Variants in MAP4K3 observed in about 807,000 individuals in gnomAD.
MAP4K3 encodes mitogen-activated protein kinase kinase kinase kinase 3.
In MAP4K3, 94 loss-of-function variants were observed where a neutral mutation model predicts 143.5. The ratio of observed to expected loss-of-function variants is 0.65; its 90% CI spans 0.55 to 0.78. MAP4K3 has a LOEUF of 0.78. Ranked by LOEUF, MAP4K3 falls within the 30% of genes least tolerant of loss-of-function variation. The probability of loss-of-function intolerance (pLI) is 0.00; values close to 1 mark genes in which losing one functional copy is unlikely to be tolerated. For synonymous variants in MAP4K3, 416 were observed against 347.2 expected (o/e 1.20, Z -2.20); for missense variants, 1,077 against 1,068.1 (o/e 1.01, Z -0.12).
intron 27 of MAP4K3, among the ~76,000 whole-genome samples, chr2:39,265,730 T>C (rs917489217): frequency 2.0e-5 from 3 of 152,174 alleles, no homozygotes; most frequent in Non-Finnish European, 2.9e-5. Flanking sequence ...TCAGAGGCAA[T>C]AATGTTTTGT....
At chr2:39,356,069 G>T (rs952727083) in intron 3 of MAP4K3, 180 bp downstream of exon 3, 3 of 498,128 alleles carry the variant, frequency 6.0e-6, no homozygotes, top group African/African-American at 2.0e-5. Flanking sequence ...TCATACGACT[G>T]CAATATTGGT....
At chr2:39,393,535 T>G (rs888897422) in intron 1 of MAP4K3, among the ~76,000 whole-genome samples, 2 of 152,190 alleles carry the variant, frequency 1.3e-5, no homozygotes, top group African/African-American at 4.8e-5. Flanking sequence ...AATTTTAATT[T>G]TTTAAAATAT....
At chr2:39,265,507 T>C (rs1680730825) in intron 27 of MAP4K3, among the ~76,000 whole-genome samples, 1 of 152,230 alleles carries the variant, frequency 6.6e-6, no homozygotes, top group Admixed American at 6.5e-5. Flanking sequence ...CCCTCTTAAC[T>C]TGCAGGATTT....
chr2:39,323,958 T>G (rs563077898), intron 12 of MAP4K3, among the ~76,000 whole-genome samples: 2 of 152,224 alleles, frequency 1.3e-5, no homozygotes, highest in Admixed American at 6.5e-5. Flanking sequence ...TAATTTTTCC[T>G]GATTATTAAG....
intron 1 of MAP4K3, among the ~76,000 whole-genome samples, chr2:39,407,038 G>A (rs1472887920): frequency 6.6e-6 from 1 of 152,088 alleles, no homozygotes; most frequent in Non-Finnish European, 1.5e-5. Context: ...TCATGATCAA[G>A]TGGTATTTAT....
At chr2:39,428,779 G>A (rs1665180496) in intron 1 of MAP4K3, among the ~76,000 whole-genome samples, 1 of 150,986 alleles carries the variant, frequency 6.6e-6, no homozygotes, top group African/African-American at 2.4e-5. Context: ...TTATTAAAAG[G>A]AGTCCATGGG....
intron 1 of MAP4K3, among the ~76,000 whole-genome samples, chr2:39,412,646 G>A (rs956611018): frequency 5.9e-5 from 9 of 152,104 alleles, no homozygotes; most frequent in African/African-American, 2.2e-4. Flanking sequence ...AAATTTACAT[G>A]ACAATGAAGA....
intron 15 of MAP4K3, among the ~76,000 whole-genome samples, chr2:39,301,671 G>C (rs1157359300): frequency 6.6e-6 from 1 of 152,078 alleles, no homozygotes; most frequent in African/African-American, 2.4e-5. Flanking sequence ...CAAGTAAAAG[G>C]CTGGTAATAA....
At chr2:39,387,022 C>A (rs968351364) in intron 1 of MAP4K3, among the ~76,000 whole-genome samples, 14 of 152,104 alleles carry the variant, frequency 9.2e-5, no homozygotes, top group Non-Finnish European at 2.1e-4. Flanking sequence ...CCATGTTGGC[C>A]AGGCTCATCG....
intron 1 of MAP4K3, among the ~76,000 whole-genome samples, chr2:39,404,341 G>C (rs1037522252): frequency 6.6e-6 from 1 of 152,056 alleles, no homozygotes; most frequent in Non-Finnish European, 1.5e-5. Context: ...GGGCAGAAAG[G>C]AGCCCACTGC....
rs1683693938 is a variant in MAP4K3 at position 39,331,898 on chromosome 2, T to A, written c.530+19A>T. 1 of 1,479,956 alleles carries A rather than the reference T, an allele frequency of 6.8e-7. No homozygotes were observed. The highest frequency in any genetic ancestry group is 1.4e-5 in the African/African-American group (1 of 71,892). 91.7% of individuals were successfully genotyped at this position (1,479,956 alleles called of 1,614,324 possible). Reference sequence around the variant, plus strand: ...TAATGATAGAACAAAGTATTAAATATCAATTAAAATACAATTACCAATATG... The same window carrying A: ...TAATGATAGAACAAAGTATTAAATAACAATTAAAATACAATTACCAATATG... On this transcript the variant is annotated intron_variant, in intron 8 of 33. Coordinates refer to ENST00000263881, the MANE Select transcript of MAP4K3 (RefSeq NM_003618.4).
intron 15 of MAP4K3, among the ~76,000 whole-genome samples, chr2:39,302,192 G>C (rs1018331386): frequency 6.6e-6 from 1 of 151,980 alleles, no homozygotes; most frequent in Non-Finnish European, 1.5e-5. Context: ...AGAAGTTGTA[G>C]ATACATCCAA....
chr2:39,325,593 CAAAG>C lies in MAP4K3; in HGVS notation c.839_842del (p.Ser280TrpfsTer9). On this transcript the variant is annotated frameshift_variant, in exon 12 of 34. Transcript: ENST00000263881. LOFTEE classifies it high-confidence loss of function. ...TTACTTTATCCAACAGCTCGATTGC[CAAAG>C]ACCGTGTCAAATGTTGTGTTACAAA... 4 of 1,613,146 alleles carry C rather than the reference CAAAG, an allele frequency of 2.5e-6. No homozygotes were observed. The highest frequency in any genetic ancestry group is 3.4e-6 in the Non-Finnish European group (4 of 1,179,684).
chr2:39,337,395 T>C, intron 5 of MAP4K3, 131 bp downstream of exon 5: 1 of 561,296 alleles, frequency 1.8e-6, no homozygotes, highest in Admixed American at 3.3e-5. Context: ...AATTTTCAAA[T>C]GTATTAAAAC....
At chr2:39,393,676 T>C (rs1666729160) in intron 1 of MAP4K3, among the ~76,000 whole-genome samples, 1 of 152,188 alleles carries the variant, frequency 6.6e-6, no homozygotes, top group Admixed American at 6.5e-5. Flanking sequence ...AACCAATTTC[T>C]AGAATTTGTG....
At chr2:39,322,868 C>T (rs1258444265) in intron 12 of MAP4K3, among the ~76,000 whole-genome samples, 1 of 152,090 alleles carries the variant, frequency 6.6e-6, no homozygotes, top group African/African-American at 2.4e-5. Context: ...CGGGGTTTCA[C>T]CATGTTAGCC....
intron 6 of MAP4K3, 35 bp downstream of exon 6, chr2:39,336,885 A>AT (rs745593640): frequency 1.1e-6 from 1 of 914,850 alleles, no homozygotes; most frequent in South Asian, 2.0e-5. Flanking sequence ...TTAAAAATGA[A>AT]GAGAGGGTTA....
intron 8 of MAP4K3, among the ~76,000 whole-genome samples, chr2:39,331,109 T>A (rs1274659925): frequency 6.6e-6 from 1 of 151,924 alleles, no homozygotes; most frequent in Non-Finnish European, 1.5e-5. Flanking sequence ...TGCAAAAAAA[T>A]TAGTAGTAGC....
chr2:39,303,478 G>A (rs563865383), intron 15 of MAP4K3, among the ~76,000 whole-genome samples: 1 of 152,168 alleles, frequency 6.6e-6, no homozygotes, highest in South Asian at 2.1e-4. Flanking sequence ...TACTTCTTCA[G>A]AGCAATGATT....
Sources: allele counts gnomAD v4.1 joint callset (sites outside exome capture counted in the v4.1 genomes callset), GRCh38; gene constraint gnomAD v4.1.1; transcripts MANE v1.5; gene names NCBI Gene and HGNC (gene_info 2026-07-23, HGNC 2026-07-21).